The following TMC1 variants were observed in gnomAD, a reference collection of about 807,000 sequenced individuals.
The protein encoded by TMC1 is transmembrane channel like 1.
A neutral mutation model predicts 105.8 loss-of-function variants in TMC1; 84 were observed. The observed-to-expected ratio is 0.79, with a 90% CI of 0.67 to 0.95. The LOEUF (loss-of-function observed/expected upper bound fraction) is 0.95. Ranked by LOEUF, TMC1 falls within the 40% of genes least tolerant of loss-of-function variation. The pLI is 0.00. For synonymous variants in TMC1, 315 were observed against 311.5 expected, an observed-to-expected ratio of 1.01 and a Z score of -0.12; for missense variants, 817 against 914.1, an observed-to-expected ratio of 0.89 and a Z score of 1.37.
intron 10 of TMC1, among the ~76,000 whole-genome samples, chr9:72,743,584 AAG>A (rs1827435442): frequency 6.7e-6 from 1 of 149,174 alleles, no homozygotes; most frequent in Non-Finnish European, 1.5e-5. Context: ...AAAAAAAAGA[AAG>A]AAAGAAAGAA....
At chr9:72,769,913 T>C (rs1827898246) in intron 12 of TMC1, among the ~76,000 whole-genome samples, 1 of 152,312 alleles carries the variant, frequency 6.6e-6, no homozygotes, top group Middle Eastern at 3.4e-3. Context: ...ATACTTAGCA[T>C]GTTCTGTTAT....
chr9:72,603,842 C>T lies in TMC1; in HGVS notation c.-305-12526C>T, dbSNP rs561899525. Among the ~76,000 whole-genome samples the T allele has an allele frequency of 1.3e-4, 19 of 144,818 alleles. No homozygotes were observed. In the South Asian group the frequency reaches 4.2e-3, roughly 32 times the overall value. On this transcript the variant is annotated intron_variant, in intron 2 of 23. Transcript: ENST00000297784. ...GGATTACAGGTGTGAGCCACTGCGACCGGCTGTTTTTTTTTTTTTTTTTTT... is the reference window on the plus strand; with the variant it reads ...GGATTACAGGTGTGAGCCACTGCGATCGGCTGTTTTTTTTTTTTTTTTTTT...
intron 3 of TMC1, among the ~76,000 whole-genome samples, chr9:72,618,526 C>T (rs1825185270): frequency 6.6e-6 from 1 of 152,044 alleles, no homozygotes; most frequent in Admixed American, 6.6e-5. Flanking sequence ...TGTGACTGTG[C>T]ATCCCTATCG....
At chr9:72,622,572 T>G (rs1189420328) in intron 3 of TMC1, among the ~76,000 whole-genome samples, 1 of 152,182 alleles carries the variant, frequency 6.6e-6, no homozygotes, top group African/African-American at 2.4e-5. Flanking sequence ...TTTGGAACAT[T>G]AAATTTTCCC....
chr9:72,774,174 T>G (rs903637128), intron 13 of TMC1, among the ~76,000 whole-genome samples: 1 of 152,130 alleles, frequency 6.6e-6, no homozygotes, highest in South Asian at 2.1e-4. Flanking sequence ...CAGTTGTACA[T>G]CAGTAGATTT....
rs1473380874 is a variant in TMC1, at chr9:72,836,984, A to T, written c.*1011A>T. 1 of 152,214 alleles carries T rather than the reference A, an allele frequency of 6.6e-6. No homozygotes were observed. Among genetic ancestry groups the T allele is most frequent in the Admixed American group, 6.5e-5 (1 of 15,280 alleles). 9.4% of individuals were successfully genotyped at this position (152,214 alleles called of 1,614,324 possible). The stretch of plus-strand genomic sequence containing the variant: ...ACTTGGAAGAGAGCCAAGTGGGCAA[A>T]TTGAGAGTTCCAAGTGCCCTGTTCA... On this transcript the variant is annotated 3_prime_UTR_variant, in exon 24 of 24. Coordinates refer to ENST00000297784, the MANE Select transcript of TMC1 (RefSeq NM_138691.3).
chr9:72,725,374 TAC>T (rs371189448), intron 8 of TMC1, among the ~76,000 whole-genome samples: 1 of 137,442 alleles, frequency 7.3e-6, no homozygotes, highest in Non-Finnish European at 1.6e-5. Flanking sequence ...TATATGTATA[TAC>T]ACACACACAT....
intron 2 of TMC1, among the ~76,000 whole-genome samples, chr9:72,592,103 C>T (rs956772420): frequency 6.6e-6 from 1 of 152,120 alleles, no homozygotes; most frequent in African/African-American, 2.4e-5. Flanking sequence ...TAGATAACAT[C>T]AACAGGATTT....
At chr9:72,830,394 A>C (rs769342366) in intron 21 of TMC1, 57 bp from the exon 22 acceptor site, 51 of 1,150,616 alleles carry the variant, frequency 4.4e-5, no homozygotes, top group Non-Finnish European at 6.5e-5. Context: ...AAATTTAAGA[A>C]GTATCTTGGG....
At chr9:72,559,671 G>T (rs940768751) in intron 1 of TMC1, among the ~76,000 whole-genome samples, 21 of 152,108 alleles carry the variant, frequency 1.4e-4, no homozygotes, top group Admixed American at 1.4e-3. Context: ...GAAAGAATCT[G>T]CAAAGCAAGT....
At chr9:72,731,644 G>C (rs1827213422) in intron 8 of TMC1, among the ~76,000 whole-genome samples, 1 of 152,012 alleles carries the variant, frequency 6.6e-6, no homozygotes, top group Non-Finnish European at 1.5e-5. Flanking sequence ...AAATACTCTG[G>C]ATCCTTACTA....
At chr9:72,628,132 AT>A (rs1369662617) in intron 4 of TMC1, 69 bp downstream of exon 4, 5 of 454,874 alleles carry the variant, frequency 1.1e-5, no homozygotes, top group African/African-American at 1.0e-4. Context: ...TTCACATGCT[AT>A]GTTTAATCAC....
At chr9:72,563,880 C>G (rs1480765118) in intron 1 of TMC1, among the ~76,000 whole-genome samples, 3 of 103,398 alleles carry the variant, frequency 2.9e-5, no homozygotes, top group Admixed American at 3.0e-4. Flanking sequence ...GCCTGGACAA[C>G]AGGAGCAAAA....
chr9:72,631,306 A>G (rs1825445425), intron 4 of TMC1, among the ~76,000 whole-genome samples: 1 of 152,236 alleles, frequency 6.6e-6, no homozygotes, highest in Non-Finnish European at 1.5e-5. Context: ...GTTACTGGAC[A>G]AGAAAAGATG....
chr9:72,790,986 G>T (rs1311605545), intron 15 of TMC1, among the ~76,000 whole-genome samples: 3 of 152,116 alleles, frequency 2.0e-5, no homozygotes, highest in Non-Finnish European at 2.9e-5. Context: ...AATGTTTAGT[G>T]GTGACAGTTT....
At chr9:72,666,718 A>C (rs772516121) in intron 5 of TMC1, among the ~76,000 whole-genome samples, 17 of 152,164 alleles carry the variant, frequency 1.1e-4, no homozygotes, top group Non-Finnish European at 2.4e-4. Context: ...GCTTGTGGGG[A>C]AAATAAACAG....
intron 5 of TMC1, among the ~76,000 whole-genome samples, chr9:72,668,139 C>G (rs1826072471): frequency 6.6e-6 from 1 of 152,134 alleles, no homozygotes; most frequent in African/African-American, 2.4e-5. Flanking sequence ...GATTCGAGTG[C>G]CTTTTATATA....
intron 15 of TMC1, among the ~76,000 whole-genome samples, chr9:72,790,143 G>A (rs1588084571): frequency 6.6e-6 from 1 of 152,150 alleles, no homozygotes; most frequent in East Asian, 1.9e-4. Flanking sequence ...TTGAGCTTGG[G>A]CATTTTCAAA....
intron 1 of TMC1, among the ~76,000 whole-genome samples, chr9:72,552,177 C>T (rs1823869455): frequency 1.3e-5 from 2 of 152,136 alleles, no homozygotes; most frequent in South Asian, 2.1e-4. Context: ...CAAATTTCTG[C>T]CAGGGAAGAG....
Sources: allele counts gnomAD v4.1 joint callset (sites outside exome capture counted in the v4.1 genomes callset), GRCh38; gene constraint gnomAD v4.1.1; transcripts MANE v1.5; gene names NCBI Gene and HGNC (gene_info 2026-07-23, HGNC 2026-07-21).